The following CACNA1H variants were observed in gnomAD, a reference collection of about 807,000 sequenced individuals.
The protein encoded by CACNA1H is voltage-dependent T-type calcium channel subunit alpha-1H.
In CACNA1H, 149 loss-of-function variants were observed where a neutral mutation model predicts 192.5. The ratio of observed to expected loss-of-function variants is 0.77; its 90% confidence interval spans 0.68 to 0.89. CACNA1H has a LOEUF of 0.89. Ranked by LOEUF, CACNA1H falls within the 40% of genes least tolerant of loss-of-function variation. The probability of loss-of-function intolerance (pLI) is 0.00; values close to 1 mark genes in which losing one functional copy is unlikely to be tolerated. For missense variants in CACNA1H, 4,257 were observed against 3,423.5 expected, an observed-to-expected ratio of 1.24 and a Z score of -6.08; for synonymous variants, 2,202 against 1,475.2, an observed-to-expected ratio of 1.49 and a Z score of -11.29.
intron 2 of CACNA1H, among the ~76,000 whole-genome samples, chr16:1,183,714 C>T (rs1247903363): frequency 6.6e-6 from 1 of 152,256 alleles, no homozygotes; most frequent in Non-Finnish European, 1.5e-5. Context: ...CTGTCATCTA[C>T]CCTGTGAGGC....
Position 1,221,677 on chromosome 16 carries a change from G to A in CACNA1H, c.*683G>A. 1.7e-6 allele frequency: 2 copies of A among 1,145,556 alleles called. No individual in the cohort carries two copies. The highest frequency in any genetic ancestry group is 2.9e-5 in the Admixed American group (1 of 34,276). 71.0% of individuals were successfully genotyped at this position (1,145,556 alleles called of 1,614,324 possible). A position where few individuals can be genotyped will look rare whatever the true frequency, so the allele number is the denominator to read the frequency against. ...TTGTTTCGTGTGCTTTTAAATTCAG[G>A]TTAAATGTTGCAATAATCTGATGCA... On this transcript the variant is annotated 3_prime_UTR_variant, in exon 35 of 35. Coordinates refer to ENST00000348261, the MANE Select transcript of CACNA1H (RefSeq NM_021098.3).
Position 1,212,519 on chromosome 16 carries a change from C to G in CACNA1H, c.4768C>G (p.Pro1590Ala). 1 of 1,611,212 alleles carries G rather than the reference C, an allele frequency of 6.2e-7. No homozygotes were observed. Residue 1590 changes from proline (P) to alanine (A), a missense_variant, in exon 26 of 35, where the codon CCC becomes GCC. Pro to Ala is a conservative substitution (Grantham distance 27, BLOSUM62 -1). Coordinates refer to ENST00000348261, the MANE Select transcript of CACNA1H (RefSeq NM_021098.3). The stretch of plus-strand genomic sequence containing the variant: ...TCTCCTTGTCTTTCCAGGCACTTTC[C>G]CCAGCCCAGGTACCGGCCCTGTCCC... ...RLERRRRSTF[P>A]SPEAQRRPYY...
intron 12 of CACNA1H, 192 bp downstream of exon 12, chr16:1,206,481 C>T: frequency 1.7e-6 from 1 of 596,058 alleles, no homozygotes; most frequent in Non-Finnish European, 2.9e-6. Context: ...ACGTGTTAGA[C>T]ATGCAGGGAG....
intron 5 of CACNA1H, among the ~76,000 whole-genome samples, chr16:1,196,857 A>G (rs1358713812): frequency 6.6e-6 from 1 of 151,530 alleles, no homozygotes; most frequent in African/African-American, 2.4e-5. Flanking sequence ...GCTACATTCA[A>G]CTGCTCTGGT....
intron 27 of CACNA1H, 80 bp downstream of exon 27, chr16:1,214,011 G>T: frequency 8.0e-7 from 1 of 1,257,780 alleles, no homozygotes; most frequent in Non-Finnish European, 1.1e-6. Flanking sequence ...CACAACCCTG[G>T]ACCGGCGCTC....
intron 2 of CACNA1H, among the ~76,000 whole-genome samples, chr16:1,179,486 T>C (rs1567464417): frequency 6.6e-6 from 1 of 152,172 alleles, no homozygotes; most frequent in Non-Finnish European, 1.5e-5. Flanking sequence ...TTGTTGTTGC[T>C]GGTGTGATCT....
intron 2 of CACNA1H, among the ~76,000 whole-genome samples, chr16:1,190,332 T>A (rs1366803739): frequency 6.6e-6 from 1 of 152,256 alleles, no homozygotes; most frequent in Non-Finnish European, 1.5e-5. Flanking sequence ...TCTGTATGAT[T>A]AAGCCTCCAG....
In CACNA1H at chr16:1,203,364, G is replaced by C. The variant is rs533698673; in HGVS notation, c.2003-646G>C. On this transcript the variant is annotated intron_variant, in intron 9 of 34. Coordinates refer to ENST00000348261, the MANE Select transcript of CACNA1H (RefSeq NM_021098.3). Reference sequence around the variant, plus strand: ...GAATCCCGTAGCTAACTTCGCCTGTGTGCTGTGGCTGCTGGGAAGTGGCTG... The same window carrying C: ...GAATCCCGTAGCTAACTTCGCCTGTCTGCTGTGGCTGCTGGGAAGTGGCTG... Among the ~76,000 whole-genome samples the C allele has an allele frequency of 8.5e-5, 13 of 152,348 alleles. No individual in the cohort carries two copies. The South Asian group carries it at 2.3e-3, about 27-fold the overall frequency.
Position 1,214,913 on chromosome 16 carries a change from C to G in CACNA1H, c.4930-59C>G. The G allele has an allele frequency of 6.1e-6, 8 of 1,316,950 alleles. No individual in the cohort carries two copies. In the South Asian group the frequency reaches 7.5e-5, roughly 12 times the overall value. 81.6% of individuals were successfully genotyped at this position (1,316,950 alleles called of 1,614,324 possible). A position where few individuals can be genotyped will look rare whatever the true frequency, so the allele number is the denominator to read the frequency against. ...GGCACTCGGGCGTGCAGAGTGGGAGCCAGGGGGAAGAGGGGTGGCCCCAGC... is the reference window on the plus strand; with the variant it reads ...GGCACTCGGGCGTGCAGAGTGGGAGGCAGGGGGAAGAGGGGTGGCCCCAGC... On this transcript the variant is annotated intron_variant, in intron 27 of 34. Coordinates refer to ENST00000348261, the MANE Select transcript of CACNA1H (RefSeq NM_021098.3).
chr16:1,200,886 T>C, intron 8 of CACNA1H, 78 bp downstream of exon 8: 4 of 1,045,226 alleles, frequency 3.8e-6, no homozygotes, highest in Non-Finnish European at 5.7e-6. Context: ...ACCTGGGTGG[T>C]CATAGGGGCT....
At position 1,209,365 on chromosome 16, in the gene CACNA1H, G is replaced by A. The variant is rs768716174; in HGVS notation, c.3697G>A (p.Asp1233Asn). 2.7e-5 allele frequency: 43 copies of A among 1,597,868 alleles called. No individual in the cohort carries two copies. Among genetic ancestry groups the A allele is most frequent in the Non-Finnish European group, 3.1e-5 (37 of 1,179,600 alleles). The change falls in exon 17 of 35, where the codon GAC becomes AAC. Residue 1233 changes from aspartate (D) to asparagine (N), a missense_variant. Coordinates refer to ENST00000348261, the MANE Select transcript of CACNA1H (RefSeq NM_021098.3). The stretch of plus-strand genomic sequence containing the variant: ...GCCCAGCGACTTCTTCCTGCGCATC[G>A]ACAGCCACCGTGAGGATGCAGCCGA... ...ALPSDFFLRIDSHREDAAELD... is the reference protein window; with the variant it reads ...ALPSDFFLRINSHREDAAELD...
chr16:1,214,883 G>GC lies in CACNA1H; in HGVS notation c.4930-88dup. 3 of 991,352 alleles carry GC rather than the reference G, an allele frequency of 3.0e-6. No homozygotes were observed. The South Asian group carries it at 4.2e-5, about 14-fold the overall frequency. 61.4% of individuals were successfully genotyped at this position (991,352 alleles called of 1,614,324 possible). A position where few individuals can be genotyped will look rare whatever the true frequency, so the allele number is the denominator to read the frequency against. Reference sequence around the variant, plus strand: ...ACCTGGGAGCCTCCAGGGCCGGCCAGCGGGGGCACTCGGGCGTGCAGAGTG... The same window carrying GC: ...ACCTGGGAGCCTCCAGGGCCGGCCAGCCGGGGGCACTCGGGCGTGCAGAGTG... On this transcript the variant is annotated intron_variant, in intron 27 of 34. Coordinates refer to ENST00000348261, the MANE Select transcript of CACNA1H (RefSeq NM_021098.3).
At chr16:1,163,039 C>T (rs538549827) in intron 2 of CACNA1H, among the ~76,000 whole-genome samples, 2 of 152,356 alleles carry the variant, frequency 1.3e-5, no homozygotes, top group South Asian at 2.1e-4. Flanking sequence ...ACCTTGGGCT[C>T]GTCTGACTCT....
chr16:1,212,198 C>T, intron 25 of CACNA1H, 60 bp downstream of exon 25: 1 of 1,525,994 alleles, frequency 6.6e-7, no homozygotes, highest in Non-Finnish European at 8.8e-7. Flanking sequence ...CCACCGGGCC[C>T]TCCAGCCCCT....
In CACNA1H at chr16:1,215,509, G is replaced by A. The variant is rs1187989006; in HGVS notation, c.5174-14G>A. 3.1e-6 allele frequency: 5 copies of A among 1,610,000 alleles called. No homozygotes were observed. The Admixed American group carries it at 8.4e-5, about 27-fold the overall frequency. ...GTCCGCCCAGCCCTGCTGACGCTCA[G>A]CTCCCGGCCCTAGTGCTGAAGCTGC... is the stretch of plus-strand genomic sequence containing the variant. On this transcript the variant is annotated splice_polypyrimidine_tract_variant and intron_variant, in intron 29 of 34. Coordinates refer to ENST00000348261, the MANE Select transcript of CACNA1H (RefSeq NM_021098.3).
chr16:1,155,612 C>T (rs989908215), intron 2 of CACNA1H, among the ~76,000 whole-genome samples: 2 of 152,078 alleles, frequency 1.3e-5, no homozygotes, highest in Non-Finnish European at 2.9e-5. Flanking sequence ...CCTGGACTCT[C>T]TCCTCACAGC....
In CACNA1H at chr16:1,220,634, C is replaced by T; in HGVS notation, c.6702C>T (p.Pro2234=). ...EATPHRDSLE[P]TEGSGAGGDP... ...CGCCTCACAGGGACTCCCTGGAGCC[C>T]ACAGAGGGCTCAGGCGCCGGGGGGG... Residue 2234 remains proline, a synonymous_variant, in exon 35 of 35, where the codon CCC becomes CCT. Coordinates refer to ENST00000348261, the MANE Select transcript of CACNA1H (RefSeq NM_021098.3). 6.2e-7 allele frequency: 1 copy of T among 1,600,886 alleles called. No homozygotes were observed. Among genetic ancestry groups the T allele is most frequent in the South Asian group, 1.1e-5 (1 of 90,204 alleles).
Position 1,218,376 on chromosome 16 carries a change from G to A in CACNA1H, c.5612G>A (p.Arg1871Gln), listed in dbSNP as rs58124832. 0.057 allele frequency: 89,377 copies of A among 1,561,046 alleles called. 3,036 individuals carry two copies. The highest frequency in any genetic ancestry group is 0.084 in the South Asian group (7,071 of 84,542). The change falls in exon 33 of 35, where the codon CGG (arginine) becomes CAG (glutamine). Residue 1871 changes from arginine to glutamine, a missense_variant. Transcript: ENST00000348261. ...CTGGAGGAGAGCAACAAGGAGGCAC[G>A]GGAGGATGCGGAGCTGGACGCCGAG... The part of the protein sequence containing the change: ...KHLEESNKEA[R>Q]EDAELDAEIE...
Position 1,208,120 on chromosome 16 carries a change from C to A in CACNA1H, c.3262C>A (p.Pro1088Thr). The change falls in exon 16 of 35, where the codon CCC (proline) becomes ACC (threonine). Residue 1088 changes from proline to threonine, a missense_variant. Physicochemically the swap from Pro to Thr is conservative, Grantham distance 38 (BLOSUM62 -1). Coordinates refer to ENST00000348261, the MANE Select transcript of CACNA1H (RefSeq NM_021098.3). ...MCTAATPMPTPKSSPFLDAAP... is the reference protein window; with the variant it reads ...MCTAATPMPTTKSSPFLDAAP... ...CACAGCTGCCACGCCCATGCCTACC[C>A]CCAAGAGCTCACCATTCCTGGATGC... The A allele has an allele frequency of 1.9e-6, 3 of 1,593,842 alleles. No individual in the cohort carries two copies. The highest frequency in any genetic ancestry group is 2.6e-6 in the Non-Finnish European group (3 of 1,171,624).
Sources: allele counts gnomAD v4.1 joint callset (sites outside exome capture counted in the v4.1 genomes callset), GRCh38; gene constraint gnomAD v4.1.1; transcripts MANE v1.5; gene names NCBI Gene and HGNC (gene_info 2026-07-23, HGNC 2026-07-21).